The following ECE1 variants were observed in gnomAD, a reference collection of about 807,000 sequenced individuals.
ECE1 encodes the protein endothelin converting enzyme 1, also known as endothelin-converting enzyme 1.
ECE1 carries 35 observed loss-of-function variants against 98.6 expected under a neutral mutation model. That is an observed-to-expected ratio of 0.35 (90% CI 0.27 to 0.47). ECE1 has a LOEUF of 0.47. Ranked by LOEUF, ECE1 falls within the 20% of genes least tolerant of loss-of-function variation. The pLI, the probability that ECE1 is intolerant of heterozygous loss-of-function variation, is 1.00. For synonymous variants in ECE1, 394 were observed against 407.1 expected, an observed-to-expected ratio of 0.97 and a Z score of 0.39; for missense variants, 814 against 1,025.3, an observed-to-expected ratio of 0.79 and a Z score of 2.81.
chr1:21,298,370 T>C, intron 1 of ECE1: 1 of 212,878 alleles, frequency 4.7e-6, no homozygotes, highest in Non-Finnish European at 9.9e-6. Flanking sequence ...AGCATGCTTC[T>C]GGCATCTCAT....
Position 21,327,702 on chromosome 1 carries a change from C to T in ECE1, c.3+17674G>A, listed in dbSNP as rs989984390. On this transcript the variant is annotated intron_variant, in intron 1 of 18. Coordinates refer to the ECE1 transcript ENST00000415912. This position sits in a 1 kb window ranked among gnomAD's most constrained non-coding sequence, Gnocchi z 4.6. Reference sequence around the variant, plus strand: ...CACCCTTCAGCTTCACCCTTCCTCTCTACTCCAGCTACACAGCTGGGGTCC... The same window carrying T: ...CACCCTTCAGCTTCACCCTTCCTCTTTACTCCAGCTACACAGCTGGGGTCC... 6.6e-6 allele frequency among the ~76,000 whole-genome samples: 1 copy of T among 152,224 alleles called. No homozygotes were observed. The highest frequency in any genetic ancestry group is 2.4e-5 in the African/African-American group (1 of 41,458).
At chr1:21,305,423 G>A (rs532894752) in intron 1 of ECE1, among the ~76,000 whole-genome samples, 2 of 152,296 alleles carry the variant, frequency 1.3e-5, no homozygotes, top group Non-Finnish European at 2.9e-5. Flanking sequence ...TCAGGCCTCC[G>A]ACAACTGTAA....
chr1:21,293,672 C>G (rs887807553), upstream of ECE1: 3 of 152,108 alleles, frequency 2.0e-5, no homozygotes, highest in African/African-American at 7.2e-5. Flanking sequence ...TGCCTCAGCC[C>G]GGTAGTGAAA....
At position 21,233,691 on chromosome 1, in the gene ECE1, G is replaced by T; in HGVS notation, c.1567-30C>A. 6.3e-7 allele frequency: 1 copy of T among 1,599,344 alleles called. No homozygotes were observed. The highest frequency in any genetic ancestry group is 8.6e-7 in the Non-Finnish European group (1 of 1,167,270). On this transcript the variant is annotated intron_variant, in intron 13 of 18. Coordinates refer to ENST00000374893, the MANE Select transcript of ECE1 (RefSeq NM_001397.3). This position sits in a 1 kb window ranked among gnomAD's most constrained non-coding sequence, Gnocchi z 4.0. ...AAAAGAAGAAGTGGAGTCAATCACA[G>T]TGTGCCCTCGGTGGTGTGCATCTTC...
At chr1:21,287,507 CAGAG>C (rs1251283030) in intron 2 of ECE1, among the ~76,000 whole-genome samples, 1 of 152,162 alleles carries the variant, frequency 6.6e-6, no homozygotes, top group African/African-American at 2.4e-5. Context: ...GCCTCTACAA[CAGAG>C]AGAGACTCTG....
Position 21,255,984 on chromosome 1 carries a change from T to G in ECE1, c.983A>C (p.Glu328Ala), listed in dbSNP as rs753439931. The G allele has an allele frequency of 2.5e-6, 4 of 1,614,054 alleles. No homozygotes were observed. Among genetic ancestry groups the G allele is most frequent in the Non-Finnish European group, 3.4e-6 (4 of 1,179,992 alleles). ...TIPQEKRRDE[E>A]LIYHKVTAAE... is the part of the protein sequence containing the mutation. ...TGCCGTCACTTTGTGGTAGATGAGC[T>G]CCTCATCACGGCGCTTCTCCTGTGG... The change falls in exon 8 of 19, where the codon GAG (glutamate) becomes GCG (alanine). Residue 328 changes from glutamate (E) to alanine (A), a missense_variant. Glu to Ala is a moderately radical substitution (Grantham distance 107). Coordinates refer to ENST00000374893, the MANE Select transcript of ECE1 (RefSeq NM_001397.3).
At chr1:21,262,205 G>C (rs1357630130) in intron 4 of ECE1, among the ~76,000 whole-genome samples, 1 of 152,186 alleles carries the variant, frequency 6.6e-6, no homozygotes, top group East Asian at 1.9e-4. Context: ...GACAGGGTCA[G>C]GGGCCTGAAC....
chr1:21,320,600 T>C (rs1569752225), intron 1 of ECE1, among the ~76,000 whole-genome samples: 1 of 152,272 alleles, frequency 6.6e-6, no homozygotes, highest in Admixed American at 6.5e-5. Flanking sequence ...CATCCTTCAT[T>C]TGCATAGACA....
intron 4 of ECE1, among the ~76,000 whole-genome samples, chr1:21,261,027 T>G (rs2098226177): frequency 6.6e-6 from 1 of 152,108 alleles, no homozygotes; most frequent in African/African-American, 2.4e-5. Flanking sequence ...CTCCCTCACC[T>G]CAGTGCCCTG....
Position 21,345,310 on chromosome 1 carries a change from G to C in ECE1, c.3+66C>G. 1.5e-6 allele frequency: 2 copies of C among 1,332,042 alleles called. No individual in the cohort carries two copies. Among genetic ancestry groups the C allele is most frequent in the Non-Finnish European group, 9.7e-7 (1 of 1,033,372 alleles). The allele number at this position is 1,332,042 out of a possible 1,614,324, so 82.5% of individuals were successfully genotyped here. On this transcript the variant is annotated intron_variant, in intron 1 of 18. Coordinates refer to the ECE1 transcript ENST00000415912. This position sits in a 1 kb window ranked among gnomAD's most constrained non-coding sequence, Gnocchi z 5.1. ...CAGGGCGGCCCCGGGTGCCACCCGCGGCACCGCTGCCCGCGACCGTCGAGG... is the reference window on the plus strand; with the variant it reads ...CAGGGCGGCCCCGGGTGCCACCCGCCGCACCGCTGCCCGCGACCGTCGAGG...
intron 18 of ECE1, among the ~76,000 whole-genome samples, chr1:21,221,536 G>A (rs904419072): frequency 1.3e-5 from 2 of 152,126 alleles, no homozygotes; most frequent in Admixed American, 6.6e-5. Context: ...TGATCACCTC[G>A]TCTTCTCATT....
At chr1:21,279,613 T>C (rs1392099884) in intron 2 of ECE1, 1 of 1,430,218 alleles carries the variant, frequency 7.0e-7, no homozygotes, top group Non-Finnish European at 9.1e-7. Context: ...AGGAAAAAAC[T>C]ACAGCTTTTC....
chr1:21,309,777 T>TC (rs2103388751), intron 1 of ECE1, among the ~76,000 whole-genome samples: 1 of 147,142 alleles, frequency 6.8e-6, no homozygotes, highest in African/African-American at 2.6e-5. Flanking sequence ...TCTTTTTTTT[T>TC]CTTTCTTTTT....
chr1:21,334,008 G>C (rs1477174306), intron 1 of ECE1, among the ~76,000 whole-genome samples: 1 of 152,174 alleles, frequency 6.6e-6, no homozygotes, highest in Non-Finnish European at 1.5e-5. Context: ...AGAAAACCGA[G>C]GCTCAGAGAT....
chr1:21,283,056 C>T lies in ECE1; in HGVS notation c.139-3724G>A, dbSNP rs1489745242. ...TCCCGGGTTCAAGAGATTCTCCTGC[C>T]TCAGCCTCCCAAGTAGCTGGGACTA... On this transcript the variant is annotated intron_variant, in intron 2 of 18. Coordinates refer to ENST00000374893, the MANE Select transcript of ECE1 (RefSeq NM_001397.3). Among the ~76,000 whole-genome samples, 26 of 150,762 alleles carry T rather than the reference C, an allele frequency of 1.7e-4. No individual in the cohort carries two copies. The Admixed American group carries it at 1.7e-3, about 10-fold the overall frequency.
intron 1 of ECE1, among the ~76,000 whole-genome samples, chr1:21,305,778 C>T (rs959672667): frequency 3.3e-5 from 5 of 152,196 alleles, no homozygotes; most frequent in Admixed American, 2.0e-4. Flanking sequence ...GAAAAATCTA[C>T]GTTCGCCCCC....
intron 5 of ECE1, among the ~76,000 whole-genome samples, chr1:21,259,753 A>C (rs940509618): frequency 3.3e-5 from 5 of 152,144 alleles, no homozygotes; most frequent in Non-Finnish European, 7.4e-5. Flanking sequence ...AGAGTCTGGG[A>C]AGTGCCCAAG....
intron 8 of ECE1, among the ~76,000 whole-genome samples, chr1:21,250,670 C>T (rs2098211486): frequency 6.6e-6 from 1 of 152,214 alleles, no homozygotes; most frequent in Admixed American, 6.5e-5. Context: ...TTGGTATATA[C>T]TGATGACACC....
intron 2 of ECE1, among the ~76,000 whole-genome samples, chr1:21,283,055 C>T (rs1290625377): frequency 2.0e-5 from 3 of 150,504 alleles, no homozygotes; most frequent in Non-Finnish European, 4.4e-5. Flanking sequence ...GATTCTCCTG[C>T]CTCAGCCTCC....
Sources: gnomAD v4.1 joint callset for allele counts (sites outside exome capture counted in the v4.1 genomes callset) on GRCh38, gnomAD v4.1.1 for gene constraint, Gnocchi (gnomAD v3.1) non-coding constraint, MANE v1.5 for transcripts, NCBI Gene and HGNC (gene_info 2026-07-23, HGNC 2026-07-21) for gene names.